The following SLC10A7 variants were observed in gnomAD, a reference collection of about 807,000 sequenced individuals.
The protein encoded by SLC10A7 is sodium/bile acid cotransporter 7.
SLC10A7 carries 29 observed loss-of-function variants against 43.2 expected under a neutral mutation model. The ratio of observed to expected loss-of-function variants is 0.67; its 90% CI spans 0.50 to 0.92. The LOEUF (loss-of-function observed/expected upper bound fraction) is 0.92, where lower values mean the gene tolerates loss of function less well. Among genes scored for constraint, SLC10A7 ranks in the 40% least tolerant of loss-of-function variants. SLC10A7 has a pLI of 0.00. For synonymous variants in SLC10A7, 152 were observed against 144.8 expected, an observed-to-expected ratio of 1.05 and a Z score of -0.35; for missense variants, 295 against 403.2, an observed-to-expected ratio of 0.73 and a Z score of 2.30.
intron 6 of SLC10A7, among the ~76,000 whole-genome samples, chr4:146,306,403 A>G (rs1390790157): frequency 6.6e-6 from 1 of 152,126 alleles, no homozygotes; most frequent in Admixed American, 6.6e-5. Flanking sequence ...TCAAGATAAC[A>G]TTTTTATTTA....
intron 4 of SLC10A7, among the ~76,000 whole-genome samples, chr4:146,449,457 G>T (rs933509803): frequency 4.6e-5 from 7 of 152,146 alleles, no homozygotes; most frequent in African/African-American, 9.7e-5. Context: ...AGGAGCAGGG[G>T]TTGGAAGTGT....
intron 5 of SLC10A7, among the ~76,000 whole-genome samples, chr4:146,419,726 C>T (rs1728819311): frequency 6.6e-6 from 1 of 151,952 alleles, no homozygotes; most frequent in South Asian, 2.1e-4. Flanking sequence ...ATCCCAGCTA[C>T]TCAGGAGGCT....
chr4:146,291,814 C>T (rs1730460874), intron 9 of SLC10A7, among the ~76,000 whole-genome samples: 2 of 152,160 alleles, frequency 1.3e-5, no homozygotes, highest in Admixed American at 6.5e-5. Flanking sequence ...CTTCTTTGAA[C>T]TGAATACAGG....
intron 5 of SLC10A7, among the ~76,000 whole-genome samples, chr4:146,355,163 A>C (rs1386466424): frequency 1.3e-5 from 2 of 150,830 alleles, no homozygotes; most frequent in East Asian, 1.9e-4. Context: ...AATATCCAGA[A>C]TCTACAATGA....
chr4:146,332,416 T>C (rs1268804103), intron 5 of SLC10A7, among the ~76,000 whole-genome samples: 2 of 152,220 alleles, frequency 1.3e-5, no homozygotes, highest in Non-Finnish European at 2.9e-5. Flanking sequence ...TGGGAGGTGA[T>C]TGGATCACGG....
intron 5 of SLC10A7, among the ~76,000 whole-genome samples, chr4:146,417,468 A>C (rs1260443635): frequency 1.3e-5 from 2 of 152,218 alleles, no homozygotes; most frequent in Non-Finnish European, 2.9e-5. Context: ...AGCAACTCTC[A>C]TCTCCAGGGT....
intron 10 of SLC10A7, among the ~76,000 whole-genome samples, chr4:146,268,950 A>G (rs1241678685): frequency 6.6e-6 from 1 of 152,232 alleles, no homozygotes; most frequent in Non-Finnish European, 1.5e-5. Context: ...GAAAAGTCTG[A>G]AAGCAAGAGA....
At chr4:146,327,099 A>G (rs796683868) in intron 5 of SLC10A7, among the ~76,000 whole-genome samples, 26 of 152,304 alleles carry the variant, frequency 1.7e-4, no homozygotes, top group Middle Eastern at 3.4e-3. Flanking sequence ...TATTTACATG[A>G]AAGTCCCTGT....
At position 146,417,522 on chromosome 4, in the gene SLC10A7, C is replaced by T. The variant is rs1314270674; in HGVS notation, c.435+25261G>A. Among the ~76,000 whole-genome samples, 3 of 152,138 alleles carry T rather than the reference C, an allele frequency of 2.0e-5. 1 individual carries two copies. Among genetic ancestry groups the T allele is most frequent in the Non-Finnish European group, 4.4e-5 (3 of 68,022 alleles). On this transcript the variant is annotated intron_variant, in intron 5 of 11. Coordinates refer to ENST00000335472, the MANE Select transcript of SLC10A7 (RefSeq NM_001029998.6). Reference sequence around the variant, plus strand: ...CTCTCTGTGTGAAGCTGTATACATCCTTAACACACGCTCATGTAAAAACAA... The same window carrying T: ...CTCTCTGTGTGAAGCTGTATACATCTTTAACACACGCTCATGTAAAAACAA...
chr4:146,387,254 G>A (rs1029760888), intron 5 of SLC10A7, among the ~76,000 whole-genome samples: 1 of 152,094 alleles, frequency 6.6e-6, no homozygotes, highest in East Asian at 1.9e-4. Context: ...GCAGCACATC[G>A]AAAAGATAAT....
intron 4 of SLC10A7, among the ~76,000 whole-genome samples, chr4:146,490,292 G>T (rs766220819): frequency 6.6e-6 from 1 of 152,094 alleles, no homozygotes; most frequent in African/African-American, 2.4e-5. Context: ...ACTTCATTGC[G>T]CAAATGCAAT....
intron 4 of SLC10A7, among the ~76,000 whole-genome samples, chr4:146,486,114 T>C (rs1007252470): frequency 6.6e-6 from 1 of 152,220 alleles, no homozygotes; most frequent in East Asian, 1.9e-4. Flanking sequence ...TATGGTTTTC[T>C]AAACCAAGGT....
At chr4:146,487,610 T>C (rs1441292928) in intron 4 of SLC10A7, among the ~76,000 whole-genome samples, 1 of 152,226 alleles carries the variant, frequency 6.6e-6, no homozygotes, top group Non-Finnish European at 1.5e-5. Context: ...TGAAAGTGTC[T>C]TGAAGAAGGA....
At chr4:146,457,509 C>T (rs1732165083) in intron 4 of SLC10A7, among the ~76,000 whole-genome samples, 1 of 151,782 alleles carries the variant, frequency 6.6e-6, no homozygotes, top group Non-Finnish European at 1.5e-5. Context: ...TTAACCATCC[C>T]CTCATCGCCC....
intron 5 of SLC10A7, among the ~76,000 whole-genome samples, chr4:146,385,661 C>A (rs1053047003): frequency 6.6e-6 from 1 of 152,100 alleles, no homozygotes; most frequent in Admixed American, 6.6e-5. Context: ...CCTGGGTATA[C>A]TGCATGATGC....
intron 4 of SLC10A7, among the ~76,000 whole-genome samples, chr4:146,443,230 G>GCTCT (rs34780703): frequency 1.3e-5 from 2 of 151,648 alleles, no homozygotes; most frequent in Non-Finnish European, 2.9e-5. Context: ...AACATTAATT[G>GCTCT]CTGTCAGTGG....
At chr4:146,414,015 G>T in intron 5 of SLC10A7, among the ~76,000 whole-genome samples, 1 of 152,170 alleles carries the variant, frequency 6.6e-6, no homozygotes, top group East Asian at 1.9e-4. Context: ...ACTGCAGGAA[G>T]AGAAATTCAG....
In SLC10A7 at chr4:146,255,362, T is replaced by A. The variant is rs1727837068; in HGVS notation, c.*1129A>T. 6.6e-6 allele frequency: 1 copy of A among 152,656 alleles called. No individual in the cohort carries two copies. The highest frequency in any genetic ancestry group is 2.1e-4 in the South Asian group (1 of 4,832). The allele number at this position is 152,656 out of a possible 1,614,324, so 9.5% of individuals were successfully genotyped here. A position where few individuals can be genotyped will look rare whatever the true frequency, so the allele number is the denominator to read the frequency against. On this transcript the variant is annotated 3_prime_UTR_variant, in exon 12 of 12. Transcript: ENST00000335472. ...AATGGTTTTGCATGTTCTTTTCATC[T>A]GGAGAGACAGAATGTGTATATGTAA...
intron 4 of SLC10A7, among the ~76,000 whole-genome samples, chr4:146,495,833 T>A (rs975488324): frequency 8.0e-5 from 12 of 150,496 alleles, no homozygotes; most frequent in Non-Finnish European, 1.6e-4. Flanking sequence ...ATACTTGTTA[T>A]CTTTCTTCTA....
Sources: gnomAD v4.1 joint callset for allele counts (sites outside exome capture counted in the v4.1 genomes callset) on GRCh38, gnomAD v4.1.1 for gene constraint, MANE v1.5 for transcripts, NCBI Gene and HGNC (gene_info 2026-07-23, HGNC 2026-07-21) for gene names.